Variants in MLLT3 observed in about 807,000 individuals in gnomAD.
The protein encoded by MLLT3 is MLLT3 super elongation complex subunit, also known as protein AF-9.
A neutral mutation model predicts 53.2 loss-of-function variants in MLLT3; 4 were observed. The ratio of observed to expected loss-of-function variants is 0.08; its 90% confidence interval spans 0.04 to 0.17. MLLT3 has a LOEUF of 0.17. Among genes scored for constraint, MLLT3 ranks in the 10% least tolerant of loss-of-function variants. MLLT3 has a pLI of 1.00. For synonymous variants in MLLT3, 283 were observed against 230.6 expected, an observed-to-expected ratio of 1.23 and a Z score of -2.06; for missense variants, 569 against 684.0, an observed-to-expected ratio of 0.83 and a Z score of 1.87.
intron 5 of MLLT3, chr9:20,380,375 G>A (rs1465362934): frequency 6.6e-6 from 1 of 151,900 alleles, no homozygotes; most frequent in Non-Finnish European, 1.5e-5. Context: ...ATTCTTAGGG[G>A]ATGGTTAGGG....
chr9:20,409,692 C>A (rs1212981951), intron 5 of MLLT3, among the ~76,000 whole-genome samples: 1 of 152,190 alleles, frequency 6.6e-6, no homozygotes, highest in Non-Finnish European at 1.5e-5. Context: ...TAAATGCTCA[C>A]CCACTATAAC....
Position 20,622,299 on chromosome 9 carries a change from C to A in MLLT3, c.-43G>T, listed in dbSNP as rs572968762. On this transcript the variant is annotated 5_prime_UTR_variant, in exon 1 of 11. Coordinates refer to ENST00000380338, the MANE Select transcript of MLLT3 (RefSeq NM_004529.4). ...TTTGCTGGGGTGTTGTGTGGTACCCCCCCCTCCTCCGCCCCCCCTCAGCTG... is the reference window on the plus strand; with the variant it reads ...TTTGCTGGGGTGTTGTGTGGTACCCACCCCTCCTCCGCCCCCCCTCAGCTG... 19 of 1,509,526 alleles carry A rather than the reference C, an allele frequency of 1.3e-5. No homozygotes were observed. Among genetic ancestry groups the A allele is most frequent in the Non-Finnish European group, 1.6e-5 (18 of 1,121,760 alleles). 93.5% of individuals were successfully genotyped at this position (1,509,526 alleles called of 1,614,324 possible).
intron 2 of MLLT3, among the ~76,000 whole-genome samples, chr9:20,542,561 T>G (rs1373569535): frequency 6.6e-6 from 1 of 151,988 alleles, no homozygotes; most frequent in African/African-American, 2.4e-5. Context: ...TTTAAAGGAG[T>G]CTTTTTTTTC....
chr9:20,460,905 T>C (rs926516075), intron 2 of MLLT3, among the ~76,000 whole-genome samples: 16 of 152,208 alleles, frequency 1.1e-4, no homozygotes, highest in African/African-American at 3.9e-4. Flanking sequence ...TTGAGTACTG[T>C]GGAACTGGTC....
At chr9:20,582,234 T>C (rs1268396945) in intron 2 of MLLT3, among the ~76,000 whole-genome samples, 1 of 152,210 alleles carries the variant, frequency 6.6e-6, no homozygotes, top group African/African-American at 2.4e-5. Flanking sequence ...TGACACACTA[T>C]TAACTAAAGT....
intron 2 of MLLT3, among the ~76,000 whole-genome samples, chr9:20,485,167 T>C (rs1824776407): frequency 2.0e-5 from 3 of 151,996 alleles, no homozygotes; most frequent in African/African-American, 7.3e-5. Context: ...TTTTGTATTT[T>C]CAGTAGAGAC....
chr9:20,484,464 G>A (rs1436725911), intron 2 of MLLT3, among the ~76,000 whole-genome samples: 1 of 152,080 alleles, frequency 6.6e-6, no homozygotes, highest in South Asian at 2.1e-4. Flanking sequence ...ACACTCAACT[G>A]TGTGCAGTTT....
In MLLT3 at chr9:20,346,415, GTTC is replaced by G. The variant is rs767841098; in HGVS notation, c.*25_*27del. On this transcript the variant is annotated 3_prime_UTR_variant, in exon 11 of 11. Transcript: ENST00000380338. ...AAAACCAAAAAAAAAAAACACAATA[GTTC>G]TTGATGCATCCAGTTGTTATATCCT... The G allele has an allele frequency of 1.4e-6, 2 of 1,383,090 alleles. No individual in the cohort carries two copies. The allele number at this position is 1,383,090 out of a possible 1,614,324, so 85.7% of individuals were successfully genotyped here.
chr9:20,508,049 G>A (rs1409682114), intron 2 of MLLT3, among the ~76,000 whole-genome samples: 2 of 152,164 alleles, frequency 1.3e-5, no homozygotes, highest in Non-Finnish European at 2.9e-5. Flanking sequence ...TCCAAAAGGA[G>A]AGGTTCTATT....
intron 2 of MLLT3, among the ~76,000 whole-genome samples, chr9:20,551,322 A>T (rs1191335661): frequency 6.6e-6 from 1 of 152,126 alleles, no homozygotes; most frequent in African/African-American, 2.4e-5. Flanking sequence ...TGACTCTTTA[A>T]TCCAATGCAT....
At chr9:20,613,569 T>C (rs1007967634) in intron 2 of MLLT3, among the ~76,000 whole-genome samples, 3 of 151,658 alleles carry the variant, frequency 2.0e-5, no homozygotes, top group Non-Finnish European at 2.9e-5. Context: ...GTTATATCAT[T>C]CTCTGCATTT....
intron 2 of MLLT3, among the ~76,000 whole-genome samples, chr9:20,583,512 G>A (rs1819862247): frequency 6.6e-6 from 1 of 152,142 alleles, no homozygotes; most frequent in Non-Finnish European, 1.5e-5. Flanking sequence ...GGTTCTCCAT[G>A]AGGGTCCCAC....
At chr9:20,565,188 T>C (rs1480762926) in intron 2 of MLLT3, among the ~76,000 whole-genome samples, 3 of 152,130 alleles carry the variant, frequency 2.0e-5, no homozygotes, top group African/African-American at 4.8e-5. Flanking sequence ...AATAAAAGGA[T>C]GCCCCACTGA....
intron 2 of MLLT3, among the ~76,000 whole-genome samples, chr9:20,517,098 G>A (rs1339119812): frequency 1.3e-5 from 2 of 152,058 alleles, no homozygotes; most frequent in Non-Finnish European, 2.9e-5. Context: ...GCTAGTATAG[G>A]TTGTTTCAGA....
chr9:20,485,236 G>A (rs571990522), intron 2 of MLLT3, among the ~76,000 whole-genome samples: 16 of 152,204 alleles, frequency 1.1e-4, no homozygotes, highest in African/African-American at 3.6e-4. Flanking sequence ...TGATCCGCCC[G>A]CCTTGGCCTC....
rs182790419 is a variant in MLLT3 at position 20,469,617 on chromosome 9, A to G, written c.194-12831T>C. On this transcript the variant is annotated intron_variant, in intron 2 of 10. Coordinates refer to ENST00000380338, the MANE Select transcript of MLLT3 (RefSeq NM_004529.4). The stretch of plus-strand genomic sequence containing the variant: ...CAGTAGTTGAATCTTAAAGTCAAAG[A>G]GAAGAACACAACTCAAACCAAATGT... 5.3e-5 allele frequency among the ~76,000 whole-genome samples: 8 copies of G among 152,198 alleles called. No homozygotes were observed. In the South Asian group the frequency reaches 8.3e-4, roughly 16 times the overall value.
chr9:20,592,002 T>G (rs1031342736), intron 2 of MLLT3, among the ~76,000 whole-genome samples: 3 of 152,070 alleles, frequency 2.0e-5, no homozygotes, highest in Admixed American at 2.0e-4. Context: ...AAAAATAAAT[T>G]AAGAATAGAA....
At chr9:20,455,915 T>TACTGC (rs1208138980) in intron 3 of MLLT3, among the ~76,000 whole-genome samples, 3 of 150,730 alleles carry the variant, frequency 2.0e-5, no homozygotes, top group African/African-American at 7.4e-5. Flanking sequence ...GCCACATATG[T>TACTGC]ACTGCTAAAA....
intron 2 of MLLT3, among the ~76,000 whole-genome samples, chr9:20,573,373 T>A (rs1369579607): frequency 1.3e-5 from 2 of 151,964 alleles, no homozygotes; most frequent in Non-Finnish European, 2.9e-5. Context: ...TAAAGATGGG[T>A]TTCACCATGT....
Sources: gnomAD v4.1 joint callset for allele counts (sites outside exome capture counted in the v4.1 genomes callset) on GRCh38, gnomAD v4.1.1 for gene constraint, MANE v1.5 for transcripts, NCBI Gene and HGNC (gene_info 2026-07-23, HGNC 2026-07-21) for gene names.